The following MICU3 variants were observed in gnomAD, a reference collection of about 807,000 sequenced individuals.
The protein encoded by MICU3 is calcium uptake protein 3, mitochondrial.
A neutral mutation model predicts 66.5 loss-of-function variants in MICU3; 62 were observed. That is an observed-to-expected ratio of 0.93 (90% CI 0.76 to 1.15). The LOEUF (loss-of-function observed/expected upper bound fraction) is 1.15, where lower values mean the gene tolerates loss of function less well. MICU3 is among the 50% of genes most tolerant of loss of function. MICU3 has a pLI of 0.00. For synonymous variants in MICU3, 308 were observed against 240.7 expected (o/e 1.28, Z -2.59); for missense variants, 779 against 664.4 (o/e 1.17, Z -1.90).
chr8:17,113,985 A>G, intron 11 of MICU3, 108 bp from the exon 12 acceptor site: 1 of 632,196 alleles, frequency 1.6e-6, no homozygotes, highest in Non-Finnish European at 2.7e-6. Flanking sequence ...ATGTTTACTT[A>G]CAAGATACAT....
rs80070624 is a variant in MICU3, at chr8:17,070,019, A to G, written c.567+300A>G. 8.5e-3 allele frequency among the ~76,000 whole-genome samples: 1,298 copies of G among 152,062 alleles called. 14 individuals are homozygous for G. The highest frequency in any genetic ancestry group is 0.029 in the African/African-American group (1,224 of 41,520). ...AAAATTGGCGATATGCCTACCCTAT[A>G]CCTAGTAAATACATGCCTGCATTTA... On this transcript the variant is annotated intron_variant, in intron 3 of 14. Coordinates refer to ENST00000318063, the MANE Select transcript of MICU3 (RefSeq NM_181723.3).
At chr8:17,135,005 T>C in the MICU3 span, among the ~76,000 whole-genome samples, 1 of 152,228 alleles carries the variant, frequency 6.6e-6, no homozygotes, top group African/African-American at 2.4e-5. Context: ...AGTTGTATAT[T>C]CTACTTACAA....
At chr8:17,085,205 TTG>T (rs1196240813) in intron 5 of MICU3, 29 bp from the exon 6 acceptor site, 1 of 1,502,782 alleles carries the variant, frequency 6.7e-7, no homozygotes, top group South Asian at 1.2e-5. Flanking sequence ...TTTTTCCATT[TTG>T]TGAATACCTT....
intron 1 of MICU3, among the ~76,000 whole-genome samples, chr8:17,061,147 G>A (rs908697036): frequency 2.0e-5 from 3 of 152,140 alleles, no homozygotes; most frequent in African/African-American, 7.2e-5. Context: ...ATGAGTCCCT[G>A]AACAAAGGTG....
At chr8:17,135,884 CT>C in the MICU3 span, among the ~76,000 whole-genome samples, 1 of 152,048 alleles carries the variant, frequency 6.6e-6, no homozygotes, top group African/African-American at 2.4e-5. Flanking sequence ...TGTAATATAT[CT>C]TTTTATAGGC....
intron 13 of MICU3, 127 bp downstream of exon 13, chr8:17,116,727 G>GA (rs376353066): frequency 3.4e-5 from 23 of 677,514 alleles, no homozygotes; most frequent in Non-Finnish European, 3.2e-5. Flanking sequence ...TATTTGAAAA[G>GA]AAAAAACATA....
chr8:17,032,494 A>C (rs1490585915), intron 1 of MICU3, among the ~76,000 whole-genome samples: 1 of 152,362 alleles, frequency 6.6e-6, no homozygotes, highest in African/African-American at 2.4e-5. Flanking sequence ...AGCTTCAAGC[A>C]ACATATTTGA....
At chr8:17,136,723 G>C in the MICU3 span, among the ~76,000 whole-genome samples, 1 of 151,988 alleles carries the variant, frequency 6.6e-6, no homozygotes, top group African/African-American at 2.4e-5. Flanking sequence ...CAGGGCATAC[G>C]TGACCCAGAA....
In MICU3 at chr8:17,078,671, G is replaced by C. The variant is rs946172398; in HGVS notation, c.646+810G>C. Reference sequence around the variant, plus strand: ...ATTGGCTTGAAAATAATGTACTTCAGCCTGAAGACAAATACTTTGAAGGAG... The same window carrying C: ...ATTGGCTTGAAAATAATGTACTTCACCCTGAAGACAAATACTTTGAAGGAG... On this transcript the variant is annotated intron_variant, in intron 4 of 14. Coordinates refer to ENST00000318063, the MANE Select transcript of MICU3 (RefSeq NM_181723.3). Among the ~76,000 whole-genome samples the C allele has an allele frequency of 3.3e-5, 5 of 151,982 alleles. 1 individual carries two copies. Among genetic ancestry groups the C allele is most frequent in the African/African-American group, 1.2e-4 (5 of 41,496 alleles).
intron 11 of MICU3, among the ~76,000 whole-genome samples, chr8:17,108,688 T>C (rs1427319967): frequency 6.6e-6 from 1 of 152,130 alleles, no homozygotes; most frequent in African/African-American, 2.4e-5. Flanking sequence ...GTGTTGGAAT[T>C]TCCCCCCAGA....
intron 9 of MICU3, among the ~76,000 whole-genome samples, chr8:17,101,313 C>G (rs953131828): frequency 5.3e-5 from 8 of 151,862 alleles, no homozygotes; most frequent in Middle Eastern, 3.4e-3. Context: ...CTCTATTTTT[C>G]TCTCAGTCCT....
At chr8:17,071,902 C>T (rs1324624320) in intron 3 of MICU3, among the ~76,000 whole-genome samples, 1 of 152,082 alleles carries the variant, frequency 6.6e-6, no homozygotes, top group African/African-American at 2.4e-5. Context: ...TTTAAAAATA[C>T]AAGTAAATGG....
At chr8:17,074,175 C>T (rs960730041) in intron 3 of MICU3, among the ~76,000 whole-genome samples, 3 of 151,892 alleles carry the variant, frequency 2.0e-5, no homozygotes, top group East Asian at 1.9e-4. Flanking sequence ...TGTGAGCTGC[C>T]GTGCCCAGCC....
At chr8:17,028,157 T>C (rs1197930805) in intron 1 of MICU3, among the ~76,000 whole-genome samples, 2 of 152,128 alleles carry the variant, frequency 1.3e-5, no homozygotes, top group South Asian at 2.1e-4. Flanking sequence ...ACCTGCATGC[T>C]AACGCCCTTA....
At chr8:17,065,872 A>C (rs1180749480) in intron 2 of MICU3, among the ~76,000 whole-genome samples, 1 of 152,164 alleles carries the variant, frequency 6.6e-6, no homozygotes, top group Non-Finnish European at 1.5e-5. Flanking sequence ...ATGGAATTTG[A>C]AGTAGACACT....
chr8:17,080,310 A>T (rs1820992383), intron 4 of MICU3, among the ~76,000 whole-genome samples: 1 of 152,002 alleles, frequency 6.6e-6, no homozygotes, highest in South Asian at 2.1e-4. Context: ...CTACAGACAA[A>T]CGCCTACCAT....
chr8:17,031,924 G>A (rs1332880898), intron 1 of MICU3, among the ~76,000 whole-genome samples: 2 of 152,026 alleles, frequency 1.3e-5, no homozygotes, highest in African/African-American at 4.8e-5. Context: ...GTAATTATTT[G>A]ATCATTGTTT....
At chr8:17,110,604 C>T (rs1053780060) in intron 11 of MICU3, among the ~76,000 whole-genome samples, 2 of 152,112 alleles carry the variant, frequency 1.3e-5, no homozygotes, top group Admixed American at 6.6e-5. Flanking sequence ...TTCTCTGCCA[C>T]CCAGGCTGGA....
intron 8 of MICU3, among the ~76,000 whole-genome samples, chr8:17,098,227 G>C (rs1361620602): frequency 2.0e-5 from 3 of 151,624 alleles, no homozygotes; most frequent in Non-Finnish European, 4.4e-5. Context: ...TTTCGACAAA[G>C]CTACATTGTA....
Sources: allele counts gnomAD v4.1 joint callset (sites outside exome capture counted in the v4.1 genomes callset), GRCh38; gene constraint gnomAD v4.1.1; transcripts MANE v1.5; gene names NCBI Gene and HGNC (gene_info 2026-07-23, HGNC 2026-07-21).